RBMS3: variants seen among roughly 807,000 people sequenced by gnomAD.
The protein encoded by RBMS3 is RNA binding motif single stranded interacting protein 3.
A neutral mutation model predicts 66.8 loss-of-function variants in RBMS3; 27 were observed. The ratio of observed to expected loss-of-function variants is 0.40; its 90% confidence interval spans 0.30 to 0.56. The LOEUF is 0.56. RBMS3 is among the 20% of genes least tolerant of loss of function. The pLI is 0.40. For missense variants in RBMS3, 513 were observed against 549.5 expected (o/e 0.93, Z 0.66); for synonymous variants, 188 against 183.0 (o/e 1.03, Z -0.22).
intron 3 of RBMS3, among the ~76,000 whole-genome samples, chr3:29,573,007 T>G (rs1007965150): frequency 1.3e-5 from 2 of 152,212 alleles, no homozygotes; most frequent in South Asian, 4.1e-4. Flanking sequence ...TGTGCATATC[T>G]AGGAATTTAT....
At chr3:29,865,106 G>GAGGGAGGAAGGA (rs1553688521) in intron 6 of RBMS3, among the ~76,000 whole-genome samples, 10 of 127,206 alleles carry the variant, frequency 7.9e-5, no homozygotes, top group African/African-American at 3.0e-4. Context: ...GGGAGGGAGG[G>GAGGGAGGAAGGA]AGGAAGGAAG....
intron 4 of RBMS3, among the ~76,000 whole-genome samples, chr3:29,703,693 AT>A (rs2052738103): frequency 6.6e-6 from 1 of 152,164 alleles, no homozygotes; most frequent in Admixed American, 6.5e-5. Flanking sequence ...GATTTAGAAG[AT>A]TTAGAGCCAA....
intron 7 of RBMS3, among the ~76,000 whole-genome samples, chr3:29,880,228 A>G (rs1018229426): frequency 6.6e-6 from 1 of 152,186 alleles, no homozygotes; most frequent in Non-Finnish European, 1.5e-5. Flanking sequence ...AATGACAAAA[A>G]TACCCCACTT....
intron 6 of RBMS3, among the ~76,000 whole-genome samples, chr3:29,764,356 G>A (rs1175593648): frequency 1.3e-5 from 2 of 151,112 alleles, no homozygotes; most frequent in African/African-American, 2.4e-5. Flanking sequence ...CAGCATGTTA[G>A]CTGCCCTTGC....
chr3:29,793,383 G>T (rs1005756034), intron 6 of RBMS3, among the ~76,000 whole-genome samples: 1 of 151,976 alleles, frequency 6.6e-6, no homozygotes, highest in African/African-American at 2.4e-5. Context: ...GAACCTGAAT[G>T]ATTCTTAGAT....
At chr3:29,756,447 A>T (rs1029296793) in intron 5 of RBMS3, among the ~76,000 whole-genome samples, 1 of 152,178 alleles carries the variant, frequency 6.6e-6, no homozygotes, top group Admixed American at 6.5e-5. Flanking sequence ...GTGGAAGGCA[A>T]AGGGGGAGCA....
chr3:29,389,110 TCCCTC>T (rs1246519345), intron 1 of RBMS3, among the ~76,000 whole-genome samples: 1 of 152,200 alleles, frequency 6.6e-6, no homozygotes, highest in African/African-American at 2.4e-5. Flanking sequence ...AGTTTGGTGC[TCCCTC>T]TAGACAAGCA....
At chr3:29,863,944 CA>C (rs1206232410) in intron 6 of RBMS3, among the ~76,000 whole-genome samples, 1 of 151,978 alleles carries the variant, frequency 6.6e-6, no homozygotes, top group Non-Finnish European at 1.5e-5. Context: ...TTATTTAATA[CA>C]AATGTTTAAA....
In RBMS3 at chr3:29,992,367, A is replaced by T. The variant is rs191542052; in HGVS notation, c.1307+1158A>T. On this transcript the variant is annotated intron_variant, in intron 14 of 14. Transcript: ENST00000383767. ...TATGGGAGGCCGAGGCGGGCGGATC[A>T]CGAGGTCAGGAGATAGAGACCATCC... is the stretch of plus-strand genomic sequence containing the variant. Among the ~76,000 whole-genome samples, 732 of 152,268 alleles carry T rather than the reference A, an allele frequency of 4.8e-3. 4 individuals carry two copies. Among genetic ancestry groups the T allele is most frequent in the African/African-American group, 0.017 (699 of 41,546 alleles).
chr3:29,294,230 T>C (rs1383199354), intron 1 of RBMS3, among the ~76,000 whole-genome samples: 1 of 151,852 alleles, frequency 6.6e-6, no homozygotes, highest in Non-Finnish European at 1.5e-5. Context: ...AGTTGCTTAA[T>C]GTCATCTTCA....
chr3:29,413,271 G>A (rs2040344688), intron 1 of RBMS3, among the ~76,000 whole-genome samples: 1 of 152,152 alleles, frequency 6.6e-6, no homozygotes, highest in Admixed American at 6.5e-5. Flanking sequence ...TCAGGAGGCT[G>A]AGGCAGGAGA....
chr3:29,433,039 C>T (rs937379985), intron 1 of RBMS3, among the ~76,000 whole-genome samples: 3 of 152,096 alleles, frequency 2.0e-5, no homozygotes, highest in African/African-American at 7.2e-5. Flanking sequence ...ACCCACTAGG[C>T]CTGTCAATTT....
intron 1 of RBMS3, among the ~76,000 whole-genome samples, chr3:29,381,068 A>G (rs1294483321): frequency 6.6e-6 from 1 of 152,148 alleles, no homozygotes; most frequent in African/African-American, 2.4e-5. Flanking sequence ...TGCCATTTGT[A>G]ATTTGCCTTG....
chr3:29,799,872 T>C (rs2057334150), intron 6 of RBMS3, among the ~76,000 whole-genome samples: 1 of 152,192 alleles, frequency 6.6e-6, no homozygotes, highest in South Asian at 2.1e-4. Flanking sequence ...CTCTGGCCCA[T>C]TGGGAGCTTT....
rs1696533127 is a variant in RBMS3 at position 29,962,417 on chromosome 3, AG to A, written c.1098+18166del. Reference sequence around the variant, plus strand: ...TTCCTCATCTCTTGGTCTGAAGAGGAGGGAGGCACAATTGTTTATAAACATA... The same window carrying A: ...TTCCTCATCTCTTGGTCTGAAGAGGAGGAGGCACAATTGTTTATAAACATA... On this transcript the variant is annotated intron_variant, in intron 12 of 14. Coordinates refer to ENST00000383767, the MANE Select transcript of RBMS3 (RefSeq NM_001003793.3). Among the ~76,000 whole-genome samples the A allele has an allele frequency of 2.0e-5, 3 of 151,880 alleles. 1 individual carries two copies. In the South Asian group the frequency reaches 6.2e-4, roughly 32 times the overall value.
intron 1 of RBMS3, among the ~76,000 whole-genome samples, chr3:29,286,529 T>A (rs2125414843): frequency 6.6e-6 from 1 of 152,254 alleles, no homozygotes; most frequent in Middle Eastern, 3.4e-3. Context: ...TTCTAAAGCA[T>A]TTTCCTTTCA....
intron 4 of RBMS3, among the ~76,000 whole-genome samples, chr3:29,622,068 A>G (rs570850744): frequency 6.6e-6 from 1 of 152,186 alleles, no homozygotes; most frequent in Non-Finnish European, 1.5e-5. Context: ...GGATCCGGTG[A>G]ACTCTAAACT....
intron 5 of RBMS3, among the ~76,000 whole-genome samples, chr3:29,751,343 A>G (rs996445350): frequency 6.6e-6 from 1 of 152,156 alleles, no homozygotes; most frequent in African/African-American, 2.4e-5. Flanking sequence ...TAAGATTTCC[A>G]TAAACCTTTT....
In RBMS3 at chr3:29,733,569, G is replaced by T. The variant is rs2054228241; in HGVS notation, c.400-6151G>T. Reference sequence around the variant, plus strand: ...TCTGATAATAGGCATTCTAATAGGGGTGAGATGATATATCATTGTGGTTTT... The same window carrying T: ...TCTGATAATAGGCATTCTAATAGGGTTGAGATGATATATCATTGTGGTTTT... On this transcript the variant is annotated intron_variant, in intron 4 of 14. Transcript: ENST00000383767. 3.9e-5 allele frequency among the ~76,000 whole-genome samples: 6 copies of T among 151,972 alleles called. 1 individual carries two copies. Among genetic ancestry groups the T allele is most frequent in the Admixed American group, 3.9e-4 (6 of 15,226 alleles).
Sources: allele counts gnomAD v4.1 joint callset (sites outside exome capture counted in the v4.1 genomes callset), GRCh38; gene constraint gnomAD v4.1.1; transcripts MANE v1.5; gene names NCBI Gene and HGNC (gene_info 2026-07-23, HGNC 2026-07-21).